The following BMERB1 variants were observed in gnomAD, a reference collection of about 807,000 sequenced individuals.
The protein encoded by BMERB1 is bMERB domain containing 1.
A neutral mutation model predicts 23.6 loss-of-function variants in BMERB1; 12 were observed. The observed-to-expected ratio is 0.51, with a 90% CI of 0.33 to 0.82. The LOEUF (loss-of-function observed/expected upper bound fraction) is 0.82, where lower values mean the gene tolerates loss of function less well. BMERB1 is among the 40% of genes least tolerant of loss of function. BMERB1 has a pLI of 0.03. For missense variants in BMERB1, 247 were observed against 255.4 expected, an observed-to-expected ratio of 0.97 and a Z score of 0.22; for synonymous variants, 122 against 96.6, an observed-to-expected ratio of 1.26 and a Z score of -1.54.
intron 1 of BMERB1, among the ~76,000 whole-genome samples, chr16:15,444,123 G>GTTTTTGTTTTTTTTTTTTTTTTTTT (rs2050966540): frequency 2.8e-5 from 1 of 35,610 alleles, no homozygotes; most frequent in African/African-American, 1.3e-4. Context: ...CACCAGCTTT[G>GTTTTTGTTTTTTTTTTTTTTTTTTT]TTTTTTTTTT....
At chr16:15,581,749 T>A (rs1276842462) in intron 4 of BMERB1, among the ~76,000 whole-genome samples, 1 of 152,156 alleles carries the variant, frequency 6.6e-6, no homozygotes, top group African/African-American at 2.4e-5. Context: ...CCCTTCCCCT[T>A]AGTGGCGCCA....
chr16:15,471,648 G>A (rs2051229962), intron 1 of BMERB1, among the ~76,000 whole-genome samples: 1 of 151,992 alleles, frequency 6.6e-6, no homozygotes, highest in Admixed American at 6.6e-5. Context: ...TAGGGGTCTT[G>A]CTGCATTACC....
At chr16:15,492,292 T>G (rs1262083376) in intron 1 of BMERB1, among the ~76,000 whole-genome samples, 1 of 152,210 alleles carries the variant, frequency 6.6e-6, no homozygotes, top group Non-Finnish European at 1.5e-5. Flanking sequence ...GCTGCACTGC[T>G]GGGCAGTCGA....
chr16:15,531,123 G>A (rs1482122468), intron 2 of BMERB1, among the ~76,000 whole-genome samples: 2 of 151,940 alleles, frequency 1.3e-5, no homozygotes, highest in African/African-American at 4.8e-5. Flanking sequence ...TGGCCAGGCT[G>A]GTCTCAAACT....
Position 15,586,841 on chromosome 16 carries a change from G to T in BMERB1, c.*12G>T. ...GCAACATCATGTAGCCCCCACGTGGGGTGCCCTGGGCCATGGGGACCCCCC... is the reference window on the plus strand; with the variant it reads ...GCAACATCATGTAGCCCCCACGTGGTGTGCCCTGGGCCATGGGGACCCCCC... On this transcript the variant is annotated 3_prime_UTR_variant, in exon 6 of 6. Transcript: ENST00000300006. The T allele has an allele frequency of 6.4e-7, 1 of 1,570,546 alleles. No homozygotes were observed. The highest frequency in any genetic ancestry group is 2.3e-5 in the East Asian group (1 of 43,498).
intron 2 of BMERB1, among the ~76,000 whole-genome samples, chr16:15,557,389 G>A (rs1056179023): frequency 6.6e-6 from 1 of 152,192 alleles, no homozygotes; most frequent in African/African-American, 2.4e-5. Context: ...TGGCTTATTC[G>A]AACTTCCAGC....
At chr16:15,524,680 A>G (rs1344710726) in intron 2 of BMERB1, among the ~76,000 whole-genome samples, 1 of 152,188 alleles carries the variant, frequency 6.6e-6, no homozygotes, top group East Asian at 1.9e-4. Context: ...TTGAGGCACA[A>G]GAGTTGCTTT....
intron 1 of BMERB1, among the ~76,000 whole-genome samples, chr16:15,449,647 G>A (rs927588637): frequency 6.6e-6 from 1 of 151,890 alleles, no homozygotes; most frequent in Non-Finnish European, 1.5e-5. Flanking sequence ...CCAGGTTCAA[G>A]CGATTCTCCT....
At chr16:15,543,082 A>C (rs774271133) in intron 2 of BMERB1, among the ~76,000 whole-genome samples, 4 of 152,012 alleles carry the variant, frequency 2.6e-5, no homozygotes, top group Non-Finnish European at 4.4e-5. Context: ...GGTGAATACA[A>C]ATTTTTTATT....
chr16:15,495,090 G>T (rs2051460797), intron 1 of BMERB1, among the ~76,000 whole-genome samples: 1 of 151,690 alleles, frequency 6.6e-6, no homozygotes, highest in Non-Finnish European at 1.5e-5. Context: ...CACCACGTTG[G>T]CCAAGCTGGT....
At position 15,583,146 on chromosome 16, in the gene BMERB1, A is replaced by G. The variant is rs1434623312; in HGVS notation, c.420-10A>G. 4 of 1,602,024 alleles carry G rather than the reference A, an allele frequency of 2.5e-6. No individual in the cohort carries two copies. Among genetic ancestry groups the G allele is most frequent in the Non-Finnish European group, 2.6e-6 (3 of 1,169,024 alleles). ...GTATCTTCTTTTCTTTTACCCATCT[A>G]CTTTCACAGGGAGCAAGAAGAAGAC... On this transcript the variant is annotated splice_polypyrimidine_tract_variant and intron_variant, in intron 4 of 5. Transcript: ENST00000300006.
chr16:15,530,323 G>A (rs2051954511), intron 2 of BMERB1, among the ~76,000 whole-genome samples: 1 of 152,192 alleles, frequency 6.6e-6, no homozygotes, highest in South Asian at 2.1e-4. Context: ...CACTTGTGAT[G>A]ACATTGAGGG....
intron 1 of BMERB1, among the ~76,000 whole-genome samples, chr16:15,470,020 T>C (rs2051215707): frequency 6.6e-6 from 1 of 152,180 alleles, no homozygotes; most frequent in Non-Finnish European, 1.5e-5. Flanking sequence ...AGTACTATAT[T>C]GAATGACAGT....
intron 1 of BMERB1, among the ~76,000 whole-genome samples, chr16:15,486,626 A>G (rs949684156): frequency 6.6e-6 from 1 of 152,190 alleles, no homozygotes; most frequent in African/African-American, 2.4e-5. Flanking sequence ...TGATCGTGTT[A>G]GTGGTCCAGA....
At chr16:15,573,222 C>T (rs984827306) in intron 3 of BMERB1, among the ~76,000 whole-genome samples, 13 of 152,170 alleles carry the variant, frequency 8.5e-5, no homozygotes, top group Admixed American at 6.5e-4. Context: ...TCAAGCCTGA[C>T]CTCCTCAATG....
In BMERB1 at chr16:15,434,646, G is replaced by T. The variant is rs553830963; in HGVS notation, c.-8G>T. The T allele has an allele frequency of 6.2e-7, 1 of 1,613,154 alleles. No individual in the cohort carries two copies. The highest frequency in any genetic ancestry group is 1.7e-5 in the Admixed American group (1 of 60,036). ...GGAGACCCGTCGACCTGGCCACGGG[G>T]ATCAGCGATGGAATTAAAGCAATCT... On this transcript the variant is annotated 5_prime_UTR_variant, in exon 1 of 6. Coordinates refer to ENST00000300006, the MANE Select transcript of BMERB1 (RefSeq NM_033201.3).
intron 1 of BMERB1, among the ~76,000 whole-genome samples, chr16:15,482,358 G>A (rs1207084282): frequency 6.6e-6 from 1 of 152,182 alleles, no homozygotes; most frequent in East Asian, 1.9e-4. Flanking sequence ...GAAGCCATGA[G>A]GTGAGCAGAG....
chr16:15,529,237 A>G (rs1421960408), intron 2 of BMERB1, among the ~76,000 whole-genome samples: 1 of 152,094 alleles, frequency 6.6e-6, no homozygotes, highest in African/African-American at 2.4e-5. Context: ...CGTGTTAGCC[A>G]GGATGGTCTT....
chr16:15,496,081 A>T (rs1293635301), intron 1 of BMERB1, among the ~76,000 whole-genome samples: 1 of 151,770 alleles, frequency 6.6e-6, no homozygotes, highest in Non-Finnish European at 1.5e-5. Flanking sequence ...AGTGATCGTG[A>T]TGATGGTGAT....
Sources: gnomAD v4.1 joint callset for allele counts (sites outside exome capture counted in the v4.1 genomes callset) on GRCh38, gnomAD v4.1.1 for gene constraint, MANE v1.5 for transcripts, NCBI Gene and HGNC (gene_info 2026-07-23, HGNC 2026-07-21) for gene names.